Variants in SORCS1 observed in about 807,000 individuals in gnomAD.
The protein encoded by SORCS1 is sortilin related VPS10 domain containing receptor 1.
Under a neutral mutation model 146.1 loss-of-function variants are expected in SORCS1, and 60 were observed. The observed-to-expected ratio is 0.41, with a 90% CI of 0.33 to 0.51. The LOEUF is 0.51. SORCS1 is among the 20% of genes least tolerant of loss of function. The pLI is 0.21. For synonymous variants in SORCS1, 637 were observed against 584.0 expected, an observed-to-expected ratio of 1.09 and a Z score of -1.31; for missense variants, 1,352 against 1,487.6, an observed-to-expected ratio of 0.91 and a Z score of 1.50.
rs199784938 is a variant in SORCS1, at chr10:106,652,539, A to C, written c.2318T>G (p.Val773Gly). ...YLNSTGYRKV[V>G]SNNCTDGVRE... ...TACGCCATCAGTGCAATTATTGGAA[A>C]CCACCTTCCTGTACCTAAATGGAAA... Residue 773 changes from valine (V) to glycine (G), a missense_variant, in exon 18 of 26, where the codon GTT becomes GGT. Physicochemically the swap from Val to Gly is moderately radical, Grantham distance 109. Transcript: ENST00000263054. 5.0e-6 allele frequency: 8 copies of C among 1,613,282 alleles called. No individual in the cohort carries two copies. In the African/African-American group the frequency reaches 1.1e-4, roughly 22 times the overall value.
At chr10:107,092,240 A>G (rs1964236777) in intron 1 of SORCS1, among the ~76,000 whole-genome samples, 1 of 152,248 alleles carries the variant, frequency 6.6e-6, no homozygotes, top group African/African-American at 2.4e-5. Flanking sequence ...CTCAAACTGC[A>G]TGATACATCC....
In SORCS1 at chr10:106,878,620, G is replaced by GTGTATATATATATATATATATATA. The variant is rs904386657; in HGVS notation, c.627-48948_627-48947insTATATATATATATATATATATACA. Among the ~76,000 whole-genome samples, 154 of 84,900 alleles carry GTGTATATATATATATATATATATA rather than the reference G, an allele frequency of 1.8e-3. 4 individuals are homozygous for GTGTATATATATATATATATATATA. Among genetic ancestry groups the GTGTATATATATATATATATATATA allele is most frequent in the African/African-American group, 6.2e-3 (135 of 21,772 alleles). 55.7% of individuals were successfully genotyped at this position (84,900 alleles called of 152,430 possible). ...AAATTTGTTTTTTATAAACTACCTA[G>GTGTATATATATATATATATATATA]TATATATATATATATATATATATAT... On this transcript the variant is annotated intron_variant, in intron 2 of 25. Coordinates refer to ENST00000263054, the MANE Select transcript of SORCS1 (RefSeq NM_052918.5).
At chr10:107,112,844 C>T (rs1381895827) in intron 1 of SORCS1, among the ~76,000 whole-genome samples, 1 of 151,992 alleles carries the variant, frequency 6.6e-6, no homozygotes, top group Non-Finnish European at 1.5e-5. Flanking sequence ...CACTGACGCA[C>T]CTAAACATAT....
intron 1 of SORCS1, among the ~76,000 whole-genome samples, chr10:106,963,030 G>A (rs554566580): frequency 6.6e-6 from 1 of 151,778 alleles, no homozygotes; most frequent in Non-Finnish European, 1.5e-5. Flanking sequence ...GAATAATAAG[G>A]AGCCTGAAGA....
intron 1 of SORCS1, among the ~76,000 whole-genome samples, chr10:106,965,838 C>CT (rs1955468819): frequency 6.6e-6 from 1 of 152,208 alleles, no homozygotes; most frequent in Non-Finnish European, 1.5e-5. Flanking sequence ...AGACATGGTA[C>CT]TAGTCACAAA....
rs539326369 is a variant in SORCS1 at position 106,905,770 on chromosome 10, G to A, written c.626+50743C>T. On this transcript the variant is annotated intron_variant, in intron 2 of 25. Transcript: ENST00000263054. ...AGAGGGTGCATGTTTACACAAGTGT[G>A]CCTGTATGCATTTGTATGTATATCA... Among the ~76,000 whole-genome samples the A allele has an allele frequency of 2.6e-5, 4 of 152,268 alleles. No homozygotes were observed. In the South Asian group the frequency reaches 6.2e-4, roughly 24 times the overall value.
chr10:106,850,307 G>T (rs919842873), intron 2 of SORCS1, among the ~76,000 whole-genome samples: 1 of 152,052 alleles, frequency 6.6e-6, no homozygotes, highest in Admixed American at 6.5e-5. Flanking sequence ...GTTTTAAGCC[G>T]GTCTGAAAAG....
intron 5 of SORCS1, among the ~76,000 whole-genome samples, chr10:106,754,187 C>T (rs12243117): frequency 0.048 from 7,379 of 152,196 alleles, 370 homozygotes; most frequent in East Asian, 0.25. Flanking sequence ...AATCAGAGCC[C>T]ATAAGATTTA....
chr10:106,779,582 G>T lies in SORCS1; in HGVS notation c.727-2890C>A, dbSNP rs944750157. On this transcript the variant is annotated intron_variant, in intron 3 of 25. Transcript: ENST00000263054. ...TTTTTTTTTTTGAGACAAGAGTATCGCTCTGTTGCCCAGGCTGTAATGCAG... is the reference window on the plus strand; with the variant it reads ...TTTTTTTTTTTGAGACAAGAGTATCTCTCTGTTGCCCAGGCTGTAATGCAG... Among the ~76,000 whole-genome samples the T allele has an allele frequency of 4.5e-5, 6 of 132,554 alleles. No homozygotes were observed. The East Asian group carries it at 1.3e-3, about 29-fold the overall frequency. The allele number at this position is 132,554 out of a possible 152,430, so 87.0% of individuals were successfully genotyped here. A position where few individuals can be genotyped will look rare whatever the true frequency, so the allele number is the denominator to read the frequency against.
At chr10:106,780,101 C>T (rs1186201404) in intron 3 of SORCS1, among the ~76,000 whole-genome samples, 1 of 152,044 alleles carries the variant, frequency 6.6e-6, no homozygotes, top group African/African-American at 2.4e-5. Flanking sequence ...AAAGCCTTAA[C>T]ATACTTGAGA....
intron 2 of SORCS1, among the ~76,000 whole-genome samples, chr10:106,871,838 CCATGA>C (rs1950416753): frequency 6.6e-6 from 1 of 152,024 alleles, no homozygotes; most frequent in South Asian, 2.1e-4. Flanking sequence ...CAACAAACCC[CCATGA>C]CATAAGTTTA....
intron 5 of SORCS1, among the ~76,000 whole-genome samples, chr10:106,735,060 C>T (rs1418027006): frequency 6.7e-6 from 1 of 150,330 alleles, no homozygotes; most frequent in East Asian, 2.0e-4. Flanking sequence ...GCAGGAAAAT[C>T]GCTTGAACCC....
At chr10:106,836,807 G>C (rs1372668851) in intron 2 of SORCS1, among the ~76,000 whole-genome samples, 3 of 152,108 alleles carry the variant, frequency 2.0e-5, no homozygotes, top group Non-Finnish European at 2.9e-5. Flanking sequence ...TCCTTTATCT[G>C]ATCCAGCCTG....
At chr10:107,154,039 T>G (rs1386152666) in intron 1 of SORCS1, among the ~76,000 whole-genome samples, 1 of 134,944 alleles carries the variant, frequency 7.4e-6, no homozygotes, top group African/African-American at 2.9e-5. Flanking sequence ...TGAGATGGAG[T>G]CTTGCTCTGT....
chr10:107,134,325 T>C (rs1205210428), intron 1 of SORCS1, among the ~76,000 whole-genome samples: 1 of 152,182 alleles, frequency 6.6e-6, no homozygotes, highest in African/African-American at 2.4e-5. Context: ...TACCTCTAAC[T>C]AAAGTGAATA....
intron 5 of SORCS1, among the ~76,000 whole-genome samples, chr10:106,753,123 G>A (rs1453112507): frequency 6.6e-6 from 1 of 150,688 alleles, no homozygotes; most frequent in Non-Finnish European, 1.5e-5. Context: ...GGTATATCTG[G>A]TCATTTTTAT....
intron 2 of SORCS1, among the ~76,000 whole-genome samples, chr10:106,851,967 G>T (rs1182726215): frequency 2.0e-5 from 3 of 152,080 alleles, no homozygotes; most frequent in Non-Finnish European, 4.4e-5. Context: ...AATGTAAATG[G>T]TAATGCGTTT....
At chr10:106,979,602 G>T (rs985286518) in intron 1 of SORCS1, among the ~76,000 whole-genome samples, 20 of 152,160 alleles carry the variant, frequency 1.3e-4, no homozygotes, top group African/African-American at 4.6e-4. Flanking sequence ...AAAAAAAACT[G>T]GAAGATCTGG....
intron 3 of SORCS1, among the ~76,000 whole-genome samples, chr10:106,812,569 C>G (rs1361279963): frequency 6.6e-6 from 1 of 152,100 alleles, no homozygotes; most frequent in Non-Finnish European, 1.5e-5. Flanking sequence ...ATATCTTTCC[C>G]TGTGGTAGTT....
Sources: allele counts gnomAD v4.1 joint callset (sites outside exome capture counted in the v4.1 genomes callset), GRCh38; gene constraint gnomAD v4.1.1; transcripts MANE v1.5; gene names NCBI Gene and HGNC (gene_info 2026-07-23, HGNC 2026-07-21).